Variants in NRG1 observed in about 807,000 individuals in gnomAD.
The protein encoded by NRG1 is pro-neuregulin-1, membrane-bound isoform.
A neutral mutation model predicts 63.8 loss-of-function variants in NRG1; 18 were observed. The observed-to-expected ratio is 0.28, with a 90% CI of 0.19 to 0.42. The LOEUF is 0.42. NRG1 is among the 10% of genes least tolerant of loss of function. The pLI, the probability that NRG1 is intolerant of heterozygous loss-of-function variation, is 1.00. For synonymous variants in NRG1, 302 were observed against 301.3 expected, an observed-to-expected ratio of 1.00 and a Z score of -0.02; for missense variants, 762 against 814.7, an observed-to-expected ratio of 0.94 and a Z score of 0.79.
chr8:31,968,401 G>C (rs1806725799), intron 1 of NRG1, among the ~76,000 whole-genome samples: 1 of 152,056 alleles, frequency 6.6e-6, no homozygotes, highest in Admixed American at 6.6e-5. Context: ...TTTGCAAATA[G>C]GTACTCACCC....
rs1805029771 is a variant in NRG1, at chr8:31,652,990, CT to C, written c.37+13560del. Among the ~76,000 whole-genome samples the C allele has an allele frequency of 1.3e-3, 101 of 79,812 alleles. 5 individuals carry two copies. Among genetic ancestry groups the C allele is most frequent in the Middle Eastern group, 7.1e-3 (1 of 140 alleles). 52.4% of individuals were successfully genotyped at this position (79,812 alleles called of 152,430 possible). On this transcript the variant is annotated intron_variant, in intron 1 of 10. Coordinates refer to the NRG1 transcript ENST00000519301. ...CTCTCCTCTCCTCTCCTCTCCTCTCCTCTCCTCTCCTCTCCTCCCCTCCCCT... is the reference window on the plus strand; with the variant it reads ...CTCTCCTCTCCTCTCCTCTCCTCTCCCTCCTCTCCTCTCCTCCCCTCCCCT...
chr8:32,057,581 A>G (rs913951070), intron 1 of NRG1, among the ~76,000 whole-genome samples: 1 of 151,984 alleles, frequency 6.6e-6, no homozygotes, highest in Non-Finnish European at 1.5e-5. Context: ...GGTTTTTACC[A>G]CTCCTGTTCC....
intron 1 of NRG1, among the ~76,000 whole-genome samples, chr8:32,183,335 C>T (rs555797065): frequency 6.6e-6 from 1 of 152,322 alleles, no homozygotes; most frequent in Admixed American, 6.5e-5. Context: ...GGTCAAGTCA[C>T]TTTCTTCCTG....
rs117375755 is a variant in NRG1 at position 32,594,191 on chromosome 8, C to G, written c.101-1637C>G. ...GTAGGAAAGGTCTCCATTTCCTGTT[C>G]ATGGTTAGGTGATCCTGATTACTGT... On this transcript the variant is annotated intron_variant, in intron 1 of 11. Transcript: ENST00000356819. Among the ~76,000 whole-genome samples, 1,333 of 152,260 alleles carry G rather than the reference C, an allele frequency of 8.8e-3. 4 individuals carry two copies. Among genetic ancestry groups the G allele is most frequent in the Middle Eastern group, 0.037 (11 of 294 alleles).
At chr8:31,842,501 T>C (rs1586755462) in intron 1 of NRG1, among the ~76,000 whole-genome samples, 2 of 152,324 alleles carry the variant, frequency 1.3e-5, no homozygotes, top group Middle Eastern at 6.8e-3. Flanking sequence ...TTTGGATCAA[T>C]GGAAATTAAA....
At chr8:32,011,879 T>C (rs2129960199) in intron 1 of NRG1, among the ~76,000 whole-genome samples, 1 of 152,250 alleles carries the variant, frequency 6.6e-6, no homozygotes, top group South Asian at 2.1e-4. Flanking sequence ...TTAAGTGAGC[T>C]TTTGTTTTGG....
Position 31,948,370 on chromosome 8 carries a change from C to T in NRG1, c.37+308939C>T, listed in dbSNP as rs138398590. ...GTGTGTTCATAATGCCACTTTGCCA[C>T]CCTGAAATCTATGCAGATAATCTAC... On this transcript the variant is annotated intron_variant, in intron 1 of 10. Coordinates refer to the NRG1 transcript ENST00000519301. Among the ~76,000 whole-genome samples, 3 of 152,258 alleles carry T rather than the reference C, an allele frequency of 2.0e-5. No individual in the cohort carries two copies. In the East Asian group the frequency reaches 5.8e-4, roughly 29 times the overall value.
At chr8:31,759,417 A>G (rs1586198305) in intron 1 of NRG1, among the ~76,000 whole-genome samples, 1 of 152,168 alleles carries the variant, frequency 6.6e-6, no homozygotes, top group Non-Finnish European at 1.5e-5. Context: ...ATCTTCATGT[A>G]TAGTATAAGG....
intron 1 of NRG1, among the ~76,000 whole-genome samples, chr8:32,292,677 G>A (rs1279897789): frequency 6.6e-6 from 1 of 152,176 alleles, no homozygotes; most frequent in African/African-American, 2.4e-5. Flanking sequence ...TAACTAATAA[G>A]GCAATAAATA....
intron 1 of NRG1, among the ~76,000 whole-genome samples, chr8:31,681,594 A>G (rs988731527): frequency 3.3e-5 from 5 of 151,864 alleles, no homozygotes; most frequent in African/African-American, 1.2e-4. Context: ...TTTGCAAAGT[A>G]CTTTGACTTT....
intron 5 of NRG1, among the ~76,000 whole-genome samples, chr8:32,668,212 CAAA>C (rs35142176): frequency 7.1e-6 from 1 of 141,748 alleles, no homozygotes; most frequent in Non-Finnish European, 1.5e-5. Flanking sequence ...GACTCCATCT[CAAA>C]AAAAAAAAAA....
chr8:31,934,455 C>T (rs992685986), intron 1 of NRG1, among the ~76,000 whole-genome samples: 1 of 124,330 alleles, frequency 8.0e-6, no homozygotes, highest in Admixed American at 8.9e-5. Context: ...GTTGGAGTCT[C>T]ACTCTTGTTA....
At chr8:32,514,347 T>C (rs1487531007) in intron 1 of NRG1, among the ~76,000 whole-genome samples, 1 of 152,152 alleles carries the variant, frequency 6.6e-6, no homozygotes, top group East Asian at 1.9e-4. Flanking sequence ...TTGTAGTGCT[T>C]TACCATTTTC....
chr8:31,707,140 C>A (rs1047899875), intron 1 of NRG1, among the ~76,000 whole-genome samples: 1 of 151,888 alleles, frequency 6.6e-6, no homozygotes, highest in African/African-American at 2.4e-5. Context: ...AAGGAAATCT[C>A]CTGGGATTTT....
chr8:32,215,372 T>A (rs961680734), intron 1 of NRG1, among the ~76,000 whole-genome samples: 2 of 152,198 alleles, frequency 1.3e-5, no homozygotes, highest in Non-Finnish European at 2.9e-5. Flanking sequence ...CAGCATAGAC[T>A]GGACTCCTTC....
At chr8:31,645,979 A>C (rs1331993133) in intron 1 of NRG1, among the ~76,000 whole-genome samples, 2 of 152,122 alleles carry the variant, frequency 1.3e-5, no homozygotes. Context: ...GTAGTGTATG[A>C]GTTTAGGATT....
intron 3 of NRG1, among the ~76,000 whole-genome samples, chr8:32,612,880 C>T (rs1040441838): frequency 3.3e-5 from 5 of 151,016 alleles, no homozygotes; most frequent in Non-Finnish European, 7.4e-5. Context: ...AGTGTAGGTC[C>T]TTTGTTTGGA....
Position 32,596,056 on chromosome 8 carries a change from A to G in NRG1, c.278+51A>G, listed in dbSNP as rs777493486. 7 of 1,417,998 alleles carry G rather than the reference A, an allele frequency of 4.9e-6. No individual in the cohort carries two copies. In the African/African-American group the frequency reaches 5.7e-5, roughly 12 times the overall value. The allele number at this position is 1,417,998 out of a possible 1,614,324, so 87.8% of individuals were successfully genotyped here. A position where few individuals can be genotyped will look rare whatever the true frequency, so the allele number is the denominator to read the frequency against. ...AGACTGCCCCCAGCAATAAGATAAC[A>G]TATAAATGTTATTTAGACCCTAATA... On this transcript the variant is annotated intron_variant, in intron 2 of 11. Transcript: ENST00000356819.
At chr8:31,662,856 T>A (rs2130947592) in intron 1 of NRG1, among the ~76,000 whole-genome samples, 1 of 152,220 alleles carries the variant, frequency 6.6e-6, no homozygotes. Context: ...ATAGGGGAAT[T>A]TTTTGGGTTC....
Sources: gnomAD v4.1 joint callset for allele counts (sites outside exome capture counted in the v4.1 genomes callset) on GRCh38, gnomAD v4.1.1 for gene constraint, MANE v1.5 for transcripts, NCBI Gene and HGNC (gene_info 2026-07-23, HGNC 2026-07-21) for gene names.